GALNT10: variants seen among roughly 807,000 people sequenced by gnomAD.
The protein encoded by GALNT10 is GalNAc transferase 10.
A neutral mutation model predicts 75.0 loss-of-function variants in GALNT10; 41 were observed. The observed-to-expected ratio is 0.55, with a 90% CI of 0.43 to 0.71. GALNT10 has a LOEUF of 0.71. Ranked by LOEUF, GALNT10 falls within the 30% of genes least tolerant of loss-of-function variation. GALNT10 has a pLI of 0.00. For missense variants in GALNT10, 727 were observed against 818.5 expected, an observed-to-expected ratio of 0.89 and a Z score of 1.36; for synonymous variants, 302 against 313.0, an observed-to-expected ratio of 0.96 and a Z score of 0.37.
intron 1 of GALNT10, among the ~76,000 whole-genome samples, chr5:154,237,372 G>A (rs1753263151): frequency 6.6e-6 from 1 of 152,164 alleles, no homozygotes; most frequent in South Asian, 2.1e-4. Context: ...AGAAGAAATT[G>A]CATTTAAGTT....
intron 1 of GALNT10, among the ~76,000 whole-genome samples, chr5:154,211,694 C>G (rs764135617): frequency 1.4e-4 from 22 of 152,114 alleles, no homozygotes; most frequent in Non-Finnish European, 2.6e-4. Context: ...GTTGGCCAGT[C>G]CTGCAGGCAT....
intron 7 of GALNT10, among the ~76,000 whole-genome samples, chr5:154,401,916 C>G (rs1036177231): frequency 2.0e-5 from 3 of 152,178 alleles, no homozygotes; most frequent in Non-Finnish European, 4.4e-5. Context: ...TCCTGCCCCC[C>G]ATTCCACAAA....
chr5:154,395,571 C>G (rs1755998520), intron 7 of GALNT10, among the ~76,000 whole-genome samples: 1 of 152,190 alleles, frequency 6.6e-6, no homozygotes, highest in Non-Finnish European at 1.5e-5. Flanking sequence ...TGCAGGAAGA[C>G]AAGAGTGGAA....
chr5:154,286,383 T>C (rs1754111169), intron 1 of GALNT10, among the ~76,000 whole-genome samples: 1 of 134,562 alleles, frequency 7.4e-6, no homozygotes, highest in Non-Finnish European at 1.6e-5. Context: ...CAGAGTCGAT[T>C]TGTTTTTTTT....
intron 1 of GALNT10, among the ~76,000 whole-genome samples, chr5:154,257,528 A>C (rs77486259): frequency 0.048 from 7,265 of 152,132 alleles, 445 homozygotes; most frequent in African/African-American, 0.14. Context: ...TCTGTAACTG[A>C]AAAGATGGCA....
At chr5:154,310,285 A>T (rs1754494131) in intron 3 of GALNT10, among the ~76,000 whole-genome samples, 1 of 152,126 alleles carries the variant, frequency 6.6e-6, no homozygotes, top group Non-Finnish European at 1.5e-5. Flanking sequence ...TGCCCCAGAG[A>T]TACTCAGAGT....
chr5:154,417,073 T>C lies in GALNT10; in HGVS notation c.*101T>C. The C allele has an allele frequency of 6.5e-6, 7 of 1,069,564 alleles. No individual in the cohort carries two copies. The highest frequency in any genetic ancestry group is 1.4e-5 in the South Asian group (1 of 70,844). 66.3% of individuals were successfully genotyped at this position (1,069,564 alleles called of 1,614,324 possible). A position where few individuals can be genotyped will look rare whatever the true frequency, so the allele number is the denominator to read the frequency against. On this transcript the variant is annotated 3_prime_UTR_variant, in exon 12 of 12. Coordinates refer to ENST00000297107, the MANE Select transcript of GALNT10 (RefSeq NM_198321.4). ...CCCTGTGGGCACTAGGTGTAAAAGGTGCTGGCCAAATGGTTCAGGGTGAAG... is the reference window on the plus strand; with the variant it reads ...CCCTGTGGGCACTAGGTGTAAAAGGCGCTGGCCAAATGGTTCAGGGTGAAG...
chr5:154,194,759 A>T (rs1774909831), intron 1 of GALNT10, among the ~76,000 whole-genome samples: 4 of 152,172 alleles, frequency 2.6e-5, no homozygotes, highest in Admixed American at 2.6e-4. Flanking sequence ...ATTGCTAATC[A>T]ACCTTTTCAT....
At chr5:154,403,445 G>A (rs946621766) in intron 7 of GALNT10, among the ~76,000 whole-genome samples, 1 of 152,172 alleles carries the variant, frequency 6.6e-6, no homozygotes, top group African/African-American at 2.4e-5. Flanking sequence ...CCCACACTGC[G>A]GCAAGACCCA....
At chr5:154,315,534 T>A (rs1326334085) in intron 3 of GALNT10, among the ~76,000 whole-genome samples, 1 of 152,232 alleles carries the variant, frequency 6.6e-6, no homozygotes, top group Non-Finnish European at 1.5e-5. Context: ...TCTGTGACAT[T>A]CTTTCCATAC....
chr5:154,295,617 T>C (rs1304882346), intron 2 of GALNT10, among the ~76,000 whole-genome samples: 1 of 152,044 alleles, frequency 6.6e-6, no homozygotes, highest in Non-Finnish European at 1.5e-5. Context: ...AGGGTTGGGG[T>C]AAGGTGGTAC....
At chr5:154,251,341 A>G (rs1191233742) in intron 1 of GALNT10, among the ~76,000 whole-genome samples, 3 of 152,286 alleles carry the variant, frequency 2.0e-5, no homozygotes, top group East Asian at 3.9e-4. Flanking sequence ...TTAAAGTCTC[A>G]ATCTACAGGT....
Position 154,418,662 on chromosome 5 carries a change from G to A in GALNT10, c.*1690G>A, listed in dbSNP as rs997877945. The A allele has an allele frequency of 6.6e-6, 1 of 152,202 alleles. No homozygotes were observed. The highest frequency in any genetic ancestry group is 1.5e-5 in the Non-Finnish European group (1 of 68,030). 9.4% of individuals were successfully genotyped at this position (152,202 alleles called of 1,614,324 possible). ...CAAGGCCATCAATTATTGGGGGAGG[G>A]AGGGACAAACACTCCCAATCATCCA... On this transcript the variant is annotated 3_prime_UTR_variant, in exon 12 of 12. Coordinates refer to ENST00000297107, the MANE Select transcript of GALNT10 (RefSeq NM_198321.4).
At chr5:154,237,774 C>T (rs181117839) in intron 1 of GALNT10, among the ~76,000 whole-genome samples, 44 of 152,272 alleles carry the variant, frequency 2.9e-4, no homozygotes, top group African/African-American at 1.0e-3. Flanking sequence ...AGCAAGATTA[C>T]AGAGGTAAAG....
intron 7 of GALNT10, chr5:154,392,942 GTTAC>G (rs1755932456): frequency 6.7e-6 from 1 of 148,860 alleles, no homozygotes; most frequent in Non-Finnish European, 1.5e-5. Flanking sequence ...TTGCTGAAGT[GTTAC>G]TTACCATAGC....
intron 10 of GALNT10, among the ~76,000 whole-genome samples, chr5:154,414,205 CTG>C (rs1347191385): frequency 3.9e-5 from 6 of 152,148 alleles, no homozygotes; most frequent in African/African-American, 1.4e-4. Context: ...CTTTGGGAAA[CTG>C]TGGCAGTTTC....
At chr5:154,216,880 C>T (rs150632914) in intron 1 of GALNT10, among the ~76,000 whole-genome samples, 37 of 152,204 alleles carry the variant, frequency 2.4e-4, no homozygotes, top group African/African-American at 8.9e-4. Flanking sequence ...GTGAGTAGAC[C>T]CTGGCAGCTT....
intron 1 of GALNT10, among the ~76,000 whole-genome samples, chr5:154,279,675 G>A (rs1445220568): frequency 6.6e-6 from 1 of 151,864 alleles, no homozygotes; most frequent in Non-Finnish European, 1.5e-5. Context: ...CAAACTCCTA[G>A]GCTCAAGCAA....
intron 4 of GALNT10, among the ~76,000 whole-genome samples, chr5:154,336,570 T>C (rs1754948090): frequency 6.6e-6 from 1 of 152,260 alleles, no homozygotes; most frequent in African/African-American, 2.4e-5. Flanking sequence ...TTGAATTTTC[T>C]AATGACATAT....
Sources: allele counts gnomAD v4.1 joint callset (sites outside exome capture counted in the v4.1 genomes callset), GRCh38; gene constraint gnomAD v4.1.1; transcripts MANE v1.5; gene names NCBI Gene and HGNC (gene_info 2026-07-23, HGNC 2026-07-21).